Variants in CCDC158 observed in about 807,000 individuals in gnomAD.
CCDC158 encodes coiled-coil domain containing 158.
Under a neutral mutation model 138.6 loss-of-function variants are expected in CCDC158, and 116 were observed. The ratio of observed to expected loss-of-function variants is 0.84; its 90% CI spans 0.72 to 0.98. CCDC158 has a LOEUF of 0.98. Among genes scored for constraint, CCDC158 ranks in the 50% least tolerant of loss-of-function variants. The probability of loss-of-function intolerance (pLI) is 0.00; values close to 1 mark genes in which losing one functional copy is unlikely to be tolerated. For synonymous variants in CCDC158, 436 were observed against 442.4 expected (o/e 0.99, Z 0.18); for missense variants, 1,265 against 1,306.1 (o/e 0.97, Z 0.48).
intron 6 of CCDC158, 98 bp downstream of exon 6, chr4:76,383,990 C>T (rs1417338149): frequency 1.1e-6 from 1 of 932,018 alleles, no homozygotes; most frequent in Non-Finnish European, 1.6e-6. Flanking sequence ...AAAATGAGAA[C>T]TTGGCTTATT....
intron 7 of CCDC158, 131 bp downstream of exon 7, chr4:76,383,531 T>C (rs1726478535): frequency 1.6e-6 from 1 of 639,372 alleles, no homozygotes; most frequent in Admixed American, 2.8e-5. Context: ...AATGTTAACA[T>C]GAGTTTCCTA....
chr4:76,386,857 T>C (rs184273470), intron 4 of CCDC158, among the ~76,000 whole-genome samples: 4 of 152,216 alleles, frequency 2.6e-5, no homozygotes, highest in African/African-American at 9.6e-5. Context: ...CATGCTGAGC[T>C]TAGAGGGAGC....
intron 4 of CCDC158, among the ~76,000 whole-genome samples, chr4:76,387,298 A>G (rs1726890514): frequency 6.6e-6 from 1 of 152,126 alleles, no homozygotes; most frequent in Non-Finnish European, 1.5e-5. Flanking sequence ...CCTACCTCCC[A>G]GACAATAATT....
chr4:76,374,908 C>T (rs1055624466), intron 9 of CCDC158, among the ~76,000 whole-genome samples: 1 of 151,968 alleles, frequency 6.6e-6, no homozygotes, highest in Non-Finnish European at 1.5e-5. Context: ...CTTATCTTTC[C>T]ATCTGTCTAT....
intron 11 of CCDC158, among the ~76,000 whole-genome samples, chr4:76,369,212 C>T (rs1724988368): frequency 1.3e-5 from 2 of 148,500 alleles, no homozygotes; most frequent in South Asian, 4.2e-4. Flanking sequence ...AAGACGCCAT[C>T]TAAAAATAAA....
chr4:76,410,145 C>T (rs1579109939), intron 2 of CCDC158, among the ~76,000 whole-genome samples: 1 of 152,130 alleles, frequency 6.6e-6, no homozygotes, highest in East Asian at 1.9e-4. Context: ...TTAAGGTGGA[C>T]CTCTCCTGTG....
chr4:76,371,899 T>TGGG (rs1725280723), intron 9 of CCDC158, among the ~76,000 whole-genome samples: 2 of 149,756 alleles, frequency 1.3e-5, no homozygotes, highest in Non-Finnish European at 2.9e-5. Context: ...GATCGTGCCA[T>TGGG]TGCACTTCAG....
At chr4:76,333,656 T>G (rs1381660726) in intron 19 of CCDC158, among the ~76,000 whole-genome samples, 2 of 152,216 alleles carry the variant, frequency 1.3e-5, no homozygotes, top group Non-Finnish European at 2.9e-5. Flanking sequence ...GTCGACCTTT[T>G]GAGATGTGTT....
chr4:76,415,886 G>A (rs928374049), intron 1 of CCDC158, among the ~76,000 whole-genome samples: 1 of 152,140 alleles, frequency 6.6e-6, no homozygotes, highest in Non-Finnish European at 1.5e-5. Context: ...CCGGGAAAGG[G>A]AGTCTCAATT....
intron 24 of CCDC158, among the ~76,000 whole-genome samples, chr4:76,321,110 T>C (rs932117174): frequency 2.0e-5 from 3 of 151,982 alleles, no homozygotes; most frequent in African/African-American, 7.2e-5. Context: ...AGGACATGAA[T>C]AGACAATTCT....
At chr4:76,320,859 T>A (rs200646248) in intron 24 of CCDC158, among the ~76,000 whole-genome samples, 1 of 151,746 alleles carries the variant, frequency 6.6e-6, no homozygotes, top group Admixed American at 6.6e-5. Flanking sequence ...TAGACAAGAG[T>A]TCATGACCAA....
At chr4:76,319,176 G>A (rs1315997915) in intron 24 of CCDC158, among the ~76,000 whole-genome samples, 1 of 151,896 alleles carries the variant, frequency 6.6e-6, no homozygotes, top group Non-Finnish European at 1.5e-5. Flanking sequence ...GGAGGCTGAG[G>A]CAGGAGAATG....
At chr4:76,369,971 C>T (rs1479188869) in intron 10 of CCDC158, among the ~76,000 whole-genome samples, 2 of 151,904 alleles carry the variant, frequency 1.3e-5, no homozygotes, top group African/African-American at 4.8e-5. Flanking sequence ...TAAAGAAATG[C>T]TCAAAAGCAT....
At chr4:76,367,265 AAGT>A in intron 12 of CCDC158, 26 bp downstream of exon 12, 1 of 1,587,702 alleles carries the variant, frequency 6.3e-7, no homozygotes, top group Non-Finnish European at 8.6e-7. Flanking sequence ...GATATTTCAG[AAGT>A]TAAATCACAA....
In CCDC158 at chr4:76,371,510, G is replaced by A; in HGVS notation, c.1056C>T (p.Val352=). Residue 352 remains valine (V), a synonymous_variant, in exon 10 of 25, where the codon GTC becomes GTT. Coordinates refer to ENST00000682701, the MANE Select transcript of CCDC158 (RefSeq NM_001394954.1). The part of the protein sequence containing the change: ...DKTEELEKQL[V]LANSELTEAR... ...CTTCAGTTAGCTCTGAGTTGGCAAGGACTAACTGCTTTTCCAGCTCTTCTG... is the reference window on the plus strand; with the variant it reads ...CTTCAGTTAGCTCTGAGTTGGCAAGAACTAACTGCTTTTCCAGCTCTTCTG... The A allele has an allele frequency of 6.2e-7, 1 of 1,614,096 alleles. No individual in the cohort carries two copies. The highest frequency in any genetic ancestry group is 8.5e-7 in the Non-Finnish European group (1 of 1,179,972).
chr4:76,401,427 A>G (rs1047892047), intron 3 of CCDC158: 8 of 457,318 alleles, frequency 1.7e-5, no homozygotes, highest in Non-Finnish European at 3.4e-5. Context: ...TTCTGGAAAA[A>G]GACTAAAACG....
Position 76,323,297 on chromosome 4 carries a change from T to C in CCDC158, c.3277+5A>G, listed in dbSNP as rs1308171198. ...GGAAGATCTCTCCAAAAACGTACAC[T>C]GTACCTTGGTTCTTCAGCTGTAAAT... On this transcript the variant is annotated splice_donor_5th_base_variant and intron_variant, in intron 24 of 24. Transcript: ENST00000682701. 64 of 1,601,440 alleles carry C rather than the reference T, an allele frequency of 4.0e-5. No homozygotes were observed. Among genetic ancestry groups the C allele is most frequent in the Non-Finnish European group, 5.4e-5 (63 of 1,171,000 alleles).
chr4:76,356,120 T>C (rs1193642694), intron 14 of CCDC158, among the ~76,000 whole-genome samples: 1 of 152,102 alleles, frequency 6.6e-6, no homozygotes, highest in South Asian at 2.1e-4. Context: ...AGTCTGGCTA[T>C]AACTTAGAGG....
intron 2 of CCDC158, among the ~76,000 whole-genome samples, chr4:76,404,535 A>T (rs372755266): frequency 1.3e-5 from 2 of 152,282 alleles, no homozygotes; most frequent in African/African-American, 4.8e-5. Flanking sequence ...AAGCAAACAA[A>T]CAAACAAACA....
Sources: allele counts gnomAD v4.1 joint callset (sites outside exome capture counted in the v4.1 genomes callset), GRCh38; gene constraint gnomAD v4.1.1; transcripts MANE v1.5; gene names NCBI Gene and HGNC (gene_info 2026-07-23, HGNC 2026-07-21).